The following ACO1 variants were observed in gnomAD, a reference collection of about 807,000 sequenced individuals.
ACO1 encodes the protein cytoplasmic aconitate hydratase.
ACO1 carries 78 observed loss-of-function variants against 105.1 expected under a neutral mutation model. The ratio of observed to expected loss-of-function variants is 0.74; its 90% confidence interval spans 0.62 to 0.90. ACO1 has a LOEUF of 0.90. Among genes scored for constraint, ACO1 ranks in the 40% least tolerant of loss-of-function variants. The pLI, the probability that ACO1 is intolerant of heterozygous loss-of-function variation, is 0.00. For synonymous variants in ACO1, 364 were observed against 397.4 expected, an observed-to-expected ratio of 0.92 and a Z score of 1.00; for missense variants, 965 against 1,111.1, an observed-to-expected ratio of 0.87 and a Z score of 1.87.
intron 14 of ACO1, among the ~76,000 whole-genome samples, chr9:32,431,389 T>G (rs1822231669): frequency 2.0e-5 from 3 of 152,204 alleles, no homozygotes; most frequent in Admixed American, 2.0e-4. Context: ...CTGAAGTGCT[T>G]CTGGTGTTCT....
At chr9:32,449,465 T>C (rs1822705954) in intron 20 of ACO1, among the ~76,000 whole-genome samples, 1 of 152,084 alleles carries the variant, frequency 6.6e-6, no homozygotes, top group Non-Finnish European at 1.5e-5. Flanking sequence ...GCACCAGGCT[T>C]TGATTAGCCC....
intron 13 of ACO1, 41 bp from the exon 14 acceptor site, chr9:32,430,377 A>G (rs373186481): frequency 2.5e-6 from 4 of 1,581,456 alleles, no homozygotes; most frequent in African/African-American, 1.4e-5. Flanking sequence ...AAGCCTAGTC[A>G]GTATCTTTTA....
At chr9:32,421,930 C>T (rs1467368473) in intron 8 of ACO1, among the ~76,000 whole-genome samples, 1 of 152,128 alleles carries the variant, frequency 6.6e-6, no homozygotes, top group East Asian at 1.9e-4. Flanking sequence ...CTGCTGTAGC[C>T]TGAGGAAATT....
At chr9:32,408,159 T>A (rs1401361104) in intron 3 of ACO1, among the ~76,000 whole-genome samples, 1 of 152,226 alleles carries the variant, frequency 6.6e-6, no homozygotes, top group Non-Finnish European at 1.5e-5. Flanking sequence ...GAAAGTCTTC[T>A]CCAGGTCTTT....
At chr9:32,425,775 C>A (rs1224256398) in intron 10 of ACO1, 63 bp from the exon 11 acceptor site, 15 of 1,199,588 alleles carry the variant, frequency 1.3e-5, no homozygotes, top group Non-Finnish European at 1.7e-5. Flanking sequence ...TTTCCTCTAG[C>A]CAGATACATG....
At chr9:32,424,709 C>T in intron 10 of ACO1, 44 bp downstream of exon 10, 1 of 1,336,546 alleles carries the variant, frequency 7.5e-7, no homozygotes, top group Non-Finnish European at 1.1e-6. Flanking sequence ...AACTCTACCT[C>T]TTGCCTGGTT....
intron 15 of ACO1, 27 bp downstream of exon 15, chr9:32,431,870 C>G: frequency 6.2e-7 from 1 of 1,612,842 alleles, no homozygotes; most frequent in Non-Finnish European, 8.5e-7. Context: ...CCCTCCCCGC[C>G]CCAGAGGATC....
At chr9:32,433,422 G>A (rs1053979415) in intron 15 of ACO1, among the ~76,000 whole-genome samples, 1 of 151,978 alleles carries the variant, frequency 6.6e-6, no homozygotes, top group Non-Finnish European at 1.5e-5. Flanking sequence ...TTTTTGTAGA[G>A]ACATGGTTTT....
chr9:32,437,445 G>A (rs550549084), intron 18 of ACO1, among the ~76,000 whole-genome samples: 7 of 152,256 alleles, frequency 4.6e-5, no homozygotes, highest in South Asian at 2.1e-4. Flanking sequence ...CCCAGCAGAC[G>A]CCTGTTCAAT....
chr9:32,437,500 C>T (rs1822387381), intron 18 of ACO1, among the ~76,000 whole-genome samples: 1 of 152,112 alleles, frequency 6.6e-6, no homozygotes, highest in South Asian at 2.1e-4. Context: ...AGATACATGT[C>T]GAATGATGGA....
At chr9:32,413,341 G>T (rs574632495) in intron 4 of ACO1, among the ~76,000 whole-genome samples, 1 of 152,082 alleles carries the variant, frequency 6.6e-6, no homozygotes, top group East Asian at 1.9e-4. Flanking sequence ...AAAATTAGCC[G>T]GGCATGGTGG....
chr9:32,430,863 T>G (rs889714078), intron 14 of ACO1, among the ~76,000 whole-genome samples: 1 of 152,186 alleles, frequency 6.6e-6, no homozygotes, highest in African/African-American at 2.4e-5. Flanking sequence ...CTCACTTTAA[T>G]GATAGGCATT....
chr9:32,415,475 G>C (rs1034799563), intron 4 of ACO1, among the ~76,000 whole-genome samples: 2 of 152,108 alleles, frequency 1.3e-5, no homozygotes, highest in African/African-American at 4.8e-5. Flanking sequence ...CCAGCATCAG[G>C]GTTTGACCCA....
chr9:32,408,524 G>A lies in ACO1; in HGVS notation c.277G>A (p.Ala93Thr), dbSNP rs758468204. The A allele has an allele frequency of 2.1e-5, 34 of 1,613,918 alleles. No homozygotes were observed. The highest frequency in any genetic ancestry group is 1.6e-4 in the African/African-American group (12 of 74,898). Reference sequence around the variant, plus strand: ...TCTTTCTTCTCTTAGGGGTGTGCCCGCTGTGGTTGACTTTGCTGCAATGCG... The same window carrying A: ...TCTTTCTTCTCTTAGGGGTGTGCCCACTGTGGTTGACTTTGCTGCAATGCG... ...VILQDFTGVP[A>T]VVDFAAMRDA... Residue 93 changes from alanine to threonine, a missense_variant, in exon 4 of 21, where the codon GCT (alanine) becomes ACT (threonine). Transcript: ENST00000309951.
At chr9:32,401,800 T>G (rs901104945) in intron 1 of ACO1, among the ~76,000 whole-genome samples, 1 of 152,212 alleles carries the variant, frequency 6.6e-6, no homozygotes, top group African/African-American at 2.4e-5. Flanking sequence ...ATTTGTTATT[T>G]TTTAGTGACC....
Position 32,450,908 on chromosome 9 carries a change from C to T in ACO1, c.*797C>T, listed in dbSNP as rs1399841161. On this transcript the variant is annotated 3_prime_UTR_variant, in exon 21 of 21. Coordinates refer to ENST00000309951, the MANE Select transcript of ACO1 (RefSeq NM_002197.3). ...TATTTAGTACAGAGTGAATCTCACA[C>T]CATATCATTGGGAAGCCTGAATAAC... 1 of 152,120 alleles carries T rather than the reference C, an allele frequency of 6.6e-6. No homozygotes were observed. Among genetic ancestry groups the T allele is most frequent in the Non-Finnish European group, 1.5e-5 (1 of 68,012 alleles). 9.4% of individuals were successfully genotyped at this position (152,120 alleles called of 1,614,324 possible).
In ACO1 at chr9:32,454,283, G is replaced by C. The variant is rs1822831235; in HGVS notation, c.*4172G>C. The C allele has an allele frequency of 6.6e-6, 1 of 152,208 alleles. No homozygotes were observed. The highest frequency in any genetic ancestry group is 6.5e-5 in the Admixed American group (1 of 15,288). The allele number at this position is 152,208 out of a possible 1,614,324, so 9.4% of individuals were successfully genotyped here. A position where few individuals can be genotyped will look rare whatever the true frequency, so the allele number is the denominator to read the frequency against. ...TTTCTTCTGGGCGTTCACGCACTGT[G>C]CTCCACAGGATACTCTTGAGAAACA... is the stretch of plus-strand genomic sequence containing the variant. On this transcript the variant is annotated 3_prime_UTR_variant, in exon 21 of 21. Coordinates refer to ENST00000309951, the MANE Select transcript of ACO1 (RefSeq NM_002197.3).
rs558752133 is a variant in ACO1, at chr9:32,419,017, C to T, written c.659-21C>T. On this transcript the variant is annotated intron_variant, in intron 6 of 20. Transcript: ENST00000309951. ...GTAAGGGGTAATGAAGGCATTCTTC[C>T]GGTCATGCCGTTCATTGCAGGTGTC... The T allele has an allele frequency of 9.0e-5, 141 of 1,559,242 alleles. No homozygotes were observed. The East Asian group carries it at 2.3e-3, about 26-fold the overall frequency.
chr9:32,425,032 T>A, intron 10 of ACO1, among the ~76,000 whole-genome samples: 1 of 152,264 alleles, frequency 6.6e-6, no homozygotes. Context: ...TTGGTTCAGA[T>A]ACCAGCTACT....
Sources: gnomAD v4.1 joint callset for allele counts (sites outside exome capture counted in the v4.1 genomes callset) on GRCh38, gnomAD v4.1.1 for gene constraint, MANE v1.5 for transcripts, NCBI Gene and HGNC (gene_info 2026-07-23, HGNC 2026-07-21) for gene names.